The following RAP1GAP2 variants were observed in gnomAD, a reference collection of about 807,000 sequenced individuals.
RAP1GAP2 encodes the protein rap1 GTPase-activating protein 2.
A neutral mutation model predicts 95.0 loss-of-function variants in RAP1GAP2; 27 were observed. The ratio of observed to expected loss-of-function variants is 0.28; its 90% CI spans 0.21 to 0.39. The LOEUF is 0.39. Ranked by LOEUF, RAP1GAP2 falls within the 10% of genes least tolerant of loss-of-function variation. The probability of loss-of-function intolerance (pLI) is 1.00; values close to 1 mark genes in which losing one functional copy is unlikely to be tolerated. For missense variants in RAP1GAP2, 771 were observed against 970.0 expected (o/e 0.79, Z 2.72); for synonymous variants, 373 against 380.9 (o/e 0.98, Z 0.24).
intron 3 of RAP1GAP2, among the ~76,000 whole-genome samples, chr17:2,935,897 G>A (rs2043293003): frequency 1.3e-5 from 2 of 152,138 alleles, no homozygotes; most frequent in African/African-American, 4.8e-5. Flanking sequence ...AGGAAACGCG[G>A]CCGATCTGGC....
chr17:3,031,034 T>A, intron 23 of RAP1GAP2, 36 bp downstream of exon 23: 1 of 1,541,926 alleles, frequency 6.5e-7, no homozygotes, highest in Non-Finnish European at 8.8e-7. Flanking sequence ...CACTCCACTT[T>A]CTGCAGAGGC....
At chr17:2,973,461 A>C (rs2044959872) in intron 8 of RAP1GAP2, among the ~76,000 whole-genome samples, 1 of 151,960 alleles carries the variant, frequency 6.6e-6, no homozygotes, top group South Asian at 2.1e-4. Flanking sequence ...GGTTGCAGTG[A>C]GCCGAGATCA....
At chr17:2,923,289 C>T (rs528078711) in intron 3 of RAP1GAP2, among the ~76,000 whole-genome samples, 4 of 151,534 alleles carry the variant, frequency 2.6e-5, no homozygotes, top group East Asian at 1.9e-4. Flanking sequence ...CTGCCCGCCT[C>T]GGCCTCCCAA....
At chr17:2,800,392 C>A in intron 1 of RAP1GAP2, 123 bp from the exon 2 acceptor site, 1 of 1,375,144 alleles carries the variant, frequency 7.3e-7, no homozygotes, top group Non-Finnish European at 1.0e-6. Context: ...GCCCCTTTAG[C>A]CAGTCCCTGA....
chr17:2,801,648 T>TGTGTGTGA (rs1359858387), intron 2 of RAP1GAP2, among the ~76,000 whole-genome samples: 1 of 138,216 alleles, frequency 7.2e-6, no homozygotes, highest in Non-Finnish European at 1.6e-5. Context: ...TGTGTGTGTG[T>TGTGTGTGA]GATGTCAGCT....
At chr17:2,899,263 G>A (rs1328624121) in intron 2 of RAP1GAP2, among the ~76,000 whole-genome samples, 1 of 152,188 alleles carries the variant, frequency 6.6e-6, no homozygotes, top group Non-Finnish European at 1.5e-5. Flanking sequence ...GGAGTGCAGT[G>A]GAGCGATCTC....
chr17:2,962,932 C>T (rs1323569240), intron 5 of RAP1GAP2: 9 of 571,240 alleles, frequency 1.6e-5, no homozygotes, highest in African/African-American at 3.8e-5. Context: ...TCAGAGCAGG[C>T]TGGGGGTGGA....
upstream of RAP1GAP2, among the ~76,000 whole-genome samples, chr17:2,774,759 C>G (rs1206353933): frequency 6.6e-6 from 1 of 151,648 alleles, no homozygotes; most frequent in East Asian, 1.9e-4. Context: ...GTGTGAGCTA[C>G]CATGCCCAGC....
intron 2 of RAP1GAP2, among the ~76,000 whole-genome samples, chr17:2,860,550 T>G (rs769440790): frequency 6.7e-6 from 1 of 150,118 alleles, no homozygotes; most frequent in Non-Finnish European, 1.5e-5. Flanking sequence ...CAGGTCTCTC[T>G]CCTGTGGAAA....
At chr17:2,810,505 T>A (rs1346848834) in intron 2 of RAP1GAP2, among the ~76,000 whole-genome samples, 1 of 132,744 alleles carries the variant, frequency 7.5e-6, no homozygotes, top group African/African-American at 2.8e-5. Flanking sequence ...ATGCTATCCC[T>A]CCCCTGTCCC....
intron 2 of RAP1GAP2, among the ~76,000 whole-genome samples, chr17:2,810,825 G>A (rs1461634057): frequency 6.6e-6 from 1 of 152,008 alleles, no homozygotes; most frequent in Non-Finnish European, 1.5e-5. Context: ...CACCGCGCCT[G>A]GCCAACAAAA....
intron 8 of RAP1GAP2, among the ~76,000 whole-genome samples, chr17:2,967,565 G>A (rs2044670120): frequency 6.6e-6 from 1 of 152,040 alleles, no homozygotes; most frequent in Non-Finnish European, 1.5e-5. Flanking sequence ...AATGCCCCAG[G>A]AAGCCCAGCA....
intron 2 of RAP1GAP2, among the ~76,000 whole-genome samples, chr17:2,885,334 T>C (rs2073456670): frequency 6.6e-6 from 1 of 152,200 alleles, no homozygotes; most frequent in South Asian, 2.1e-4. Flanking sequence ...GCCCGGCAGA[T>C]AGACACACGT....
At chr17:2,972,492 T>C (rs1476659281) in intron 8 of RAP1GAP2, among the ~76,000 whole-genome samples, 3 of 142,330 alleles carry the variant, frequency 2.1e-5, no homozygotes, top group Non-Finnish European at 4.5e-5. Context: ...TCTCTACTAA[T>C]AATACAAAAA....
At chr17:2,905,495 CGGAG>C in intron 3 of RAP1GAP2, 127 bp downstream of exon 3, 5 of 847,390 alleles carry the variant, frequency 5.9e-6, no homozygotes, top group Non-Finnish European at 9.0e-6. Context: ...CCTGACACCT[CGGAG>C]GAGGTGATGT....
At chr17:2,844,114 G>A (rs917782716) in intron 2 of RAP1GAP2, among the ~76,000 whole-genome samples, 37 of 151,936 alleles carry the variant, frequency 2.4e-4, no homozygotes, top group Admixed American at 1.3e-4. Flanking sequence ...TCTGCCTCCT[G>A]GGTTCACGCC....
chr17:2,798,060 A>C (rs1229476423), intron 1 of RAP1GAP2, among the ~76,000 whole-genome samples: 1 of 152,166 alleles, frequency 6.6e-6, no homozygotes, highest in Admixed American at 6.5e-5. Context: ...CTGAGATTTG[A>C]ATCTGGGCAG....
At chr17:3,011,869 C>G (rs1209053256) in intron 17 of RAP1GAP2, among the ~76,000 whole-genome samples, 1 of 151,898 alleles carries the variant, frequency 6.6e-6, no homozygotes, top group African/African-American at 2.4e-5. Context: ...CCATCTTGGC[C>G]TCCCAAAGTG....
chr17:2,861,277 G>A (rs753866721), intron 2 of RAP1GAP2, among the ~76,000 whole-genome samples: 1 of 151,794 alleles, frequency 6.6e-6, no homozygotes, highest in Non-Finnish European at 1.5e-5. Context: ...TCTAGTGTGT[G>A]CAATAAATAG....
Sources: gnomAD v4.1 joint callset for allele counts (sites outside exome capture counted in the v4.1 genomes callset) on GRCh38, gnomAD v4.1.1 for gene constraint, MANE v1.5 for transcripts, NCBI Gene and HGNC (gene_info 2026-07-23, HGNC 2026-07-21) for gene names.